The following SLC47A1 variants were observed in gnomAD, a reference collection of about 807,000 sequenced individuals.
SLC47A1 encodes multidrug and toxin extrusion protein 1.
Under a neutral mutation model 65.8 loss-of-function variants are expected in SLC47A1, and 58 were observed. That is an observed-to-expected ratio of 0.88 (90% CI 0.71 to 1.10). SLC47A1 has a LOEUF of 1.10. SLC47A1 is among the 50% of genes least tolerant of loss of function. SLC47A1 has a pLI of 0.00. For missense variants in SLC47A1, 706 were observed against 719.2 expected (o/e 0.98, Z 0.21); for synonymous variants, 285 against 295.0 (o/e 0.97, Z 0.35).
Position 19,577,922 on chromosome 17 carries a change from C to T in SLC47A1, c.*369C>T. ...CTTGAATTATGTAAAATATATTTTA[C>T]AGTATATCTTTCCTTGGGCCTTAGA... On this transcript the variant is annotated 3_prime_UTR_variant, in exon 17 of 17. Coordinates refer to ENST00000270570, the MANE Select transcript of SLC47A1 (RefSeq NM_018242.3). 3.2e-6 allele frequency: 4 copies of T among 1,254,208 alleles called. No individual in the cohort carries two copies. Among genetic ancestry groups the T allele is most frequent in the Non-Finnish European group, 4.1e-6 (4 of 978,594 alleles). The allele number at this position is 1,254,208 out of a possible 1,614,324, so 77.7% of individuals were successfully genotyped here. A position where few individuals can be genotyped will look rare whatever the true frequency, so the allele number is the denominator to read the frequency against.
In SLC47A1 at chr17:19,571,573, G is replaced by T. The variant is rs1236378404; in HGVS notation, c.1404+1G>T. ...AAATTGGAAAAAAGCCTGTCAGCAG[G>T]TAACTATGTTCATTCTGTCCCGGTA... On this transcript the variant is annotated splice_donor_variant, in intron 15 of 16. Transcript: ENST00000270570. LOFTEE classifies it high-confidence loss of function. 1.9e-6 allele frequency: 3 copies of T among 1,611,740 alleles called. No individual in the cohort carries two copies. Among genetic ancestry groups the T allele is most frequent in the East Asian group, 4.5e-5 (2 of 44,864 alleles).
intron 10 of SLC47A1, among the ~76,000 whole-genome samples, chr17:19,556,580 T>G (rs112486444): frequency 1.4e-4 from 19 of 136,658 alleles, no homozygotes; most frequent in African/African-American, 5.0e-4. Flanking sequence ...TTTTTTGAGA[T>G]GGAGTCCCAC....
intron 1 of SLC47A1, among the ~76,000 whole-genome samples, chr17:19,537,203 A>G (rs190240298): frequency 1.1e-3 from 169 of 152,318 alleles, no homozygotes; most frequent in African/African-American, 3.9e-3. Context: ...AAATGTTTCC[A>G]CTTGTGTGGG....
At chr17:19,555,384 G>A in intron 7 of SLC47A1, 75 bp downstream of exon 7, 2 of 1,466,700 alleles carry the variant, frequency 1.4e-6, no homozygotes, top group East Asian at 2.3e-5. Flanking sequence ...AGAAGAGTGG[G>A]CTCTTCAGCT....
intron 5 of SLC47A1, among the ~76,000 whole-genome samples, chr17:19,551,177 C>T (rs1037585416): frequency 1.3e-5 from 2 of 152,214 alleles, no homozygotes; most frequent in Non-Finnish European, 2.9e-5. Context: ...CCCAGGGAAA[C>T]TCCACCTCCT....
intron 2 of SLC47A1, among the ~76,000 whole-genome samples, chr17:19,545,622 G>T (rs557316276): frequency 6.6e-6 from 1 of 152,190 alleles, no homozygotes; most frequent in East Asian, 1.9e-4. Context: ...TCTGGAAATA[G>T]CTGGGACTAC....
intron 12 of SLC47A1, among the ~76,000 whole-genome samples, chr17:19,565,332 T>A (rs1246664498): frequency 6.6e-6 from 1 of 152,150 alleles, no homozygotes; most frequent in Non-Finnish European, 1.5e-5. Context: ...GGAGACACAG[T>A]CAGACTTGGC....
At chr17:19,538,919 C>T (rs1056082210) in intron 1 of SLC47A1, among the ~76,000 whole-genome samples, 2 of 152,140 alleles carry the variant, frequency 1.3e-5, no homozygotes, top group East Asian at 1.9e-4. Context: ...CAAGAAGGGA[C>T]GGAAGCACGG....
chr17:19,536,699 C>T lies in SLC47A1; in HGVS notation c.135+2625C>T, dbSNP rs375678957. ...ATAAAGTTTTCTGTTTACTAAAGGGCATGGGATAAGGAGAGACCACCCCCT... is the reference window on the plus strand; with the variant it reads ...ATAAAGTTTTCTGTTTACTAAAGGGTATGGGATAAGGAGAGACCACCCCCT... On this transcript the variant is annotated intron_variant, in intron 1 of 16. Coordinates refer to ENST00000270570, the MANE Select transcript of SLC47A1 (RefSeq NM_018242.3). Among the ~76,000 whole-genome samples, 53 of 152,322 alleles carry T rather than the reference C, an allele frequency of 3.5e-4. 1 individual carries two copies. Among genetic ancestry groups the T allele is most frequent in the African/African-American group, 1.3e-3 (52 of 41,578 alleles).
At chr17:19,566,312 A>G (rs1228306591) in intron 12 of SLC47A1, among the ~76,000 whole-genome samples, 2 of 152,200 alleles carry the variant, frequency 1.3e-5, no homozygotes, top group Non-Finnish European at 2.9e-5. Context: ...TATTTTTTCT[A>G]AAAGCTGTGA....
chr17:19,578,998 G>A lies in SLC47A1; in HGVS notation c.*1445G>A, dbSNP rs1407824468. The stretch of plus-strand genomic sequence containing the variant: ...TGGTCTACATGGATGCCCTGAACAT[G>A]CAATTCTTTCTTCCAAAATAAAACA... On this transcript the variant is annotated 3_prime_UTR_variant, in exon 17 of 17. Coordinates refer to ENST00000270570, the MANE Select transcript of SLC47A1 (RefSeq NM_018242.3). The A allele has an allele frequency of 6.6e-6, 1 of 152,252 alleles. No homozygotes were observed. Among genetic ancestry groups the A allele is most frequent in the Non-Finnish European group, 1.5e-5 (1 of 68,050 alleles). The allele number at this position is 152,252 out of a possible 1,614,324, so 9.4% of individuals were successfully genotyped here.
intron 14 of SLC47A1, 124 bp downstream of exon 14, chr17:19,567,352 G>T: frequency 7.1e-7 from 1 of 1,412,516 alleles, no homozygotes; most frequent in African/African-American, 1.4e-5. Context: ...CGTCCATTCT[G>T]TGTCTTGTCA....
intron 2 of SLC47A1, among the ~76,000 whole-genome samples, chr17:19,543,416 A>T (rs1214225581): frequency 6.6e-6 from 1 of 151,950 alleles, no homozygotes; most frequent in Admixed American, 6.6e-5. Context: ...GGCCTACATC[A>T]TCTTATTTCT....
At chr17:19,542,531 T>C in intron 2 of SLC47A1, 37 bp downstream of exon 2, 1 of 1,506,926 alleles carries the variant, frequency 6.6e-7, no homozygotes, top group Non-Finnish European at 9.1e-7. Context: ...ACCAACACTG[T>C]CTGTGTTTGC....
intron 12 of SLC47A1, among the ~76,000 whole-genome samples, chr17:19,562,969 T>C (rs1399232992): frequency 6.6e-6 from 1 of 152,042 alleles, no homozygotes; most frequent in African/African-American, 2.4e-5. Context: ...ACACAATCAT[T>C]TTTAAAAATC....
At chr17:19,564,170 T>C (rs1399337314) in intron 12 of SLC47A1, among the ~76,000 whole-genome samples, 1 of 151,946 alleles carries the variant, frequency 6.6e-6, no homozygotes, top group Admixed American at 6.6e-5. Context: ...CTGGGAAACA[T>C]GGCGAAACCC....
chr17:19,543,327 C>T (rs1282690847), intron 2 of SLC47A1, among the ~76,000 whole-genome samples: 1 of 152,050 alleles, frequency 6.6e-6, no homozygotes, highest in African/African-American at 2.4e-5. Context: ...TCAGGCTGGT[C>T]TTGAACTCTT....
chr17:19,571,849 G>T (rs1406993878), intron 15 of SLC47A1, among the ~76,000 whole-genome samples: 29 of 152,194 alleles, frequency 1.9e-4, no homozygotes, highest in Admixed American at 1.9e-3. Flanking sequence ...TTCAGGACAA[G>T]AATTAGAACT....
At chr17:19,557,665 G>T (rs1245869181) in intron 10 of SLC47A1, 1 of 514,830 alleles carries the variant, frequency 1.9e-6, no homozygotes, top group Non-Finnish European at 3.9e-6. Flanking sequence ...ACCCGTAGAT[G>T]TAGTGAGGGT....
Sources: allele counts gnomAD v4.1 joint callset (sites outside exome capture counted in the v4.1 genomes callset), GRCh38; gene constraint gnomAD v4.1.1; transcripts MANE v1.5; gene names NCBI Gene and HGNC (gene_info 2026-07-23, HGNC 2026-07-21).